SPATS2L: variants seen among roughly 807,000 people sequenced by gnomAD.
SPATS2L encodes the protein spermatogenesis associated serine rich 2 like, also known as SPATS2-like protein.
SPATS2L carries 30 observed loss-of-function variants against 59.6 expected under a neutral mutation model. That is an observed-to-expected ratio of 0.50 (90% CI 0.38 to 0.68). SPATS2L has a LOEUF of 0.68. Among genes scored for constraint, SPATS2L ranks in the 30% least tolerant of loss-of-function variants. The probability of loss-of-function intolerance (pLI) is 0.00; values close to 1 mark genes in which losing one functional copy is unlikely to be tolerated. For missense variants in SPATS2L, 615 were observed against 700.0 expected, an observed-to-expected ratio of 0.88 and a Z score of 1.37; for synonymous variants, 252 against 263.5, an observed-to-expected ratio of 0.96 and a Z score of 0.42.
intron 8 of SPATS2L, among the ~76,000 whole-genome samples, chr2:200,456,071 ATTC>A (rs1338870761): frequency 6.6e-6 from 1 of 152,068 alleles, no homozygotes; most frequent in Non-Finnish European, 1.5e-5. Flanking sequence ...TCCCACCATT[ATTC>A]TTCCCTTGAC....
chr2:200,337,846 T>G (rs1353431313), intron 2 of SPATS2L, among the ~76,000 whole-genome samples: 1 of 152,210 alleles, frequency 6.6e-6, no homozygotes, highest in African/African-American at 2.4e-5. Flanking sequence ...CATAATAGAC[T>G]GCCAGCTGTC....
At chr2:200,391,327 A>G (rs932360977) in intron 3 of SPATS2L, among the ~76,000 whole-genome samples, 5 of 152,220 alleles carry the variant, frequency 3.3e-5, no homozygotes, top group Non-Finnish European at 7.3e-5. Flanking sequence ...GTTACTATAT[A>G]ATGTTATTTG....
intron 1 of SPATS2L, among the ~76,000 whole-genome samples, chr2:200,314,073 C>A (rs2079280602): frequency 6.6e-6 from 1 of 152,346 alleles, no homozygotes; most frequent in East Asian, 1.9e-4. Flanking sequence ...TCTTCTACTA[C>A]CACCTATATG....
intron 3 of SPATS2L, among the ~76,000 whole-genome samples, chr2:200,399,810 A>G (rs984561857): frequency 6.6e-6 from 1 of 152,238 alleles, no homozygotes; most frequent in African/African-American, 2.4e-5. Flanking sequence ...GAAATATCCA[A>G]GGTTAATATA....
chr2:200,419,475 A>C lies in SPATS2L; in HGVS notation c.424A>C (p.Lys142Gln), dbSNP rs1559115117. The C allele has an allele frequency of 6.2e-7, 1 of 1,613,922 alleles. No homozygotes were observed. Reference protein sequence around the residue: ...KKISILEEPSKALRGVTEGNR... With the variant: ...KKISILEEPSQALRGVTEGNR... ...GATCTCGATACTTGAGGAACCTTCA[A>C]AGGCACTTCGTGGGGTCACAGGTCA... The change falls in exon 6 of 13, where the codon AAG (lysine) becomes CAG (glutamine). Residue 142 changes from lysine (K) to glutamine (Q), a missense_variant. Transcript: ENST00000409140.
chr2:200,433,736 A>T (rs1350547726), intron 6 of SPATS2L, among the ~76,000 whole-genome samples: 1 of 152,120 alleles, frequency 6.6e-6, no homozygotes, highest in Non-Finnish European at 1.5e-5. Context: ...AAATGGACAA[A>T]TTCTTTAAAA....
chr2:200,474,111 T>TC (rs976627260), intron 12 of SPATS2L, among the ~76,000 whole-genome samples: 27 of 152,060 alleles, frequency 1.8e-4, no homozygotes, highest in African/African-American at 6.3e-4. Context: ...TTCTTTTTTT[T>TC]TTTTGTAAGA....
chr2:200,321,376 A>G (rs918113910), intron 1 of SPATS2L, among the ~76,000 whole-genome samples: 1 of 152,218 alleles, frequency 6.6e-6, no homozygotes, highest in African/African-American at 2.4e-5. Context: ...ATAATACTAT[A>G]TACCTAGTAA....
chr2:200,409,524 T>A (rs2082803215), intron 3 of SPATS2L, among the ~76,000 whole-genome samples: 1 of 152,244 alleles, frequency 6.6e-6, no homozygotes, highest in Non-Finnish European at 1.5e-5. Context: ...ATAGTGAATT[T>A]ATAAATAACA....
chr2:200,416,365 T>C lies in SPATS2L; in HGVS notation c.149-14T>C. 1.4e-6 allele frequency: 2 copies of C among 1,410,416 alleles called. No homozygotes were observed. The highest frequency in any genetic ancestry group is 1.9e-6 in the Non-Finnish European group (2 of 1,053,022). The allele number at this position is 1,410,416 out of a possible 1,614,324, so 87.4% of individuals were successfully genotyped here. A position where few individuals can be genotyped will look rare whatever the true frequency, so the allele number is the denominator to read the frequency against. On this transcript the variant is annotated splice_polypyrimidine_tract_variant and intron_variant, in intron 4 of 12. Coordinates refer to ENST00000409140, the MANE Select transcript of SPATS2L (RefSeq NM_001100423.2). ...GATGTGAATATTTGTTGAAGATTCT[T>C]TGTCTTTATCTAGGCAGTGCAATTC...
intron 1 of SPATS2L, among the ~76,000 whole-genome samples, chr2:200,318,507 AT>A (rs768034437): frequency 6.6e-5 from 10 of 152,202 alleles, no homozygotes; most frequent in Non-Finnish European, 1.5e-4. Flanking sequence ...ATATGAACTC[AT>A]TCATTGTTCT....
chr2:200,446,099 A>T (rs903871534), intron 8 of SPATS2L, among the ~76,000 whole-genome samples: 4 of 152,090 alleles, frequency 2.6e-5, no homozygotes, highest in African/African-American at 9.7e-5. Flanking sequence ...AACACCTTGG[A>T]AGGCCGAGGC....
At chr2:200,385,895 G>A (rs895842180) in intron 2 of SPATS2L, among the ~76,000 whole-genome samples, 1 of 152,082 alleles carries the variant, frequency 6.6e-6, no homozygotes, top group African/African-American at 2.4e-5. Context: ...GGGTTTCACT[G>A]TGTTAGCCAG....
intron 8 of SPATS2L, among the ~76,000 whole-genome samples, chr2:200,450,329 A>G (rs2085350710): frequency 6.6e-6 from 1 of 152,186 alleles, no homozygotes; most frequent in Non-Finnish European, 1.5e-5. Context: ...ACTGGCAATA[A>G]GTTATCCCTT....
At chr2:200,365,766 C>G (rs1373675802) in intron 2 of SPATS2L, among the ~76,000 whole-genome samples, 2 of 152,154 alleles carry the variant, frequency 1.3e-5, no homozygotes, top group South Asian at 2.1e-4. Context: ...CATCTCACCC[C>G]CAACTCAAAG....
At chr2:200,334,407 T>C (rs1379494087) in intron 2 of SPATS2L, among the ~76,000 whole-genome samples, 1 of 152,112 alleles carries the variant, frequency 6.6e-6, no homozygotes. Context: ...TTCTGGATAT[T>C]AGCCCTTTGT....
At chr2:200,472,344 A>G (rs2087114098) in intron 11 of SPATS2L, among the ~76,000 whole-genome samples, 1 of 152,210 alleles carries the variant, frequency 6.6e-6, no homozygotes, top group Non-Finnish European at 1.5e-5. Context: ...AGCTCTCAGA[A>G]CATCGTGGAT....
chr2:200,334,594 A>G (rs1357056044), intron 2 of SPATS2L, among the ~76,000 whole-genome samples: 5 of 151,798 alleles, frequency 3.3e-5, no homozygotes, highest in Non-Finnish European at 7.4e-5. Flanking sequence ...GCCCATGCCT[A>G]TGTCCTGAAT....
At chr2:200,308,928 A>G in intron 1 of SPATS2L, 1 of 654,726 alleles carries the variant, frequency 1.5e-6, no homozygotes, top group Non-Finnish European at 2.8e-6. Flanking sequence ...GTTTTTCTGC[A>G]TGCACTGATT....
Sources: gnomAD v4.1 joint callset for allele counts (sites outside exome capture counted in the v4.1 genomes callset) on GRCh38, gnomAD v4.1.1 for gene constraint, MANE v1.5 for transcripts, NCBI Gene and HGNC (gene_info 2026-07-23, HGNC 2026-07-21) for gene names.